The following ANXA10 variants were observed in gnomAD, a reference collection of about 807,000 sequenced individuals.
ANXA10 encodes the protein annexin 14.
ANXA10 carries 49 observed loss-of-function variants against 53.5 expected under a neutral mutation model. The ratio of observed to expected loss-of-function variants is 0.92; its 90% CI spans 0.73 to 1.16. The LOEUF (loss-of-function observed/expected upper bound fraction) is 1.16. ANXA10 is among the 50% of genes most tolerant of loss of function. The probability of loss-of-function intolerance (pLI) is 0.00; values close to 1 mark genes in which losing one functional copy is unlikely to be tolerated. For missense variants in ANXA10, 393 were observed against 394.4 expected (o/e 1.00, Z 0.03); for synonymous variants, 131 against 128.9 (o/e 1.02, Z -0.11).
At position 168,187,536 on chromosome 4, in the gene ANXA10, A is replaced by G. The variant is rs1442066359; in HGVS notation, c.*102A>G. ...TGTTCATGGCACTATTAACAAAACTATACAATCATATTTTCTCTTCTATCT... is the reference window on the plus strand; with the variant it reads ...TGTTCATGGCACTATTAACAAAACTGTACAATCATATTTTCTCTTCTATCT... On this transcript the variant is annotated 3_prime_UTR_variant, in exon 12 of 12. Coordinates refer to ENST00000359299, the MANE Select transcript of ANXA10 (RefSeq NM_007193.5). The G allele has an allele frequency of 6.4e-6, 4 of 622,354 alleles. No homozygotes were observed. Among genetic ancestry groups the G allele is most frequent in the Non-Finnish European group, 1.0e-5 (4 of 384,452 alleles). 38.6% of individuals were successfully genotyped at this position (622,354 alleles called of 1,614,324 possible). A position where few individuals can be genotyped will look rare whatever the true frequency, so the allele number is the denominator to read the frequency against.
chr4:168,108,116 C>T (rs185599422), intron 1 of ANXA10, among the ~76,000 whole-genome samples: 22 of 152,252 alleles, frequency 1.4e-4, no homozygotes, highest in Non-Finnish European at 1.9e-4. Context: ...TGTCTTTTAA[C>T]ATGTTAATGT....
chr4:168,128,880 C>G (rs1386467729), intron 2 of ANXA10, among the ~76,000 whole-genome samples: 1 of 151,578 alleles, frequency 6.6e-6, no homozygotes, highest in Non-Finnish European at 1.5e-5. Context: ...ATGAATGATA[C>G]TAAAGTTTAG....
intron 8 of ANXA10, 143 bp downstream of exon 8, chr4:168,178,126 T>A (rs1732168977): frequency 1.4e-6 from 1 of 690,252 alleles, no homozygotes; most frequent in Admixed American, 2.9e-5. Context: ...GAATTTTGTT[T>A]ATAAGATGTG....
At chr4:168,157,426 C>T (rs1386132204) in intron 3 of ANXA10, among the ~76,000 whole-genome samples, 1 of 152,082 alleles carries the variant, frequency 6.6e-6, no homozygotes, top group East Asian at 1.9e-4. Flanking sequence ...TGCCACCACC[C>T]CTGGCTAATT....
intron 3 of ANXA10, among the ~76,000 whole-genome samples, chr4:168,154,604 G>A (rs1411510636): frequency 6.6e-6 from 1 of 152,098 alleles, no homozygotes; most frequent in Non-Finnish European, 1.5e-5. Flanking sequence ...CTATCCTGTA[G>A]AGATAAAAGT....
intron 3 of ANXA10, among the ~76,000 whole-genome samples, chr4:168,153,675 A>G (rs1219301153): frequency 6.6e-6 from 1 of 152,112 alleles, no homozygotes; most frequent in Non-Finnish European, 1.5e-5. Context: ...GAATGCCTAT[A>G]ATATGCCATA....
intron 1 of ANXA10, among the ~76,000 whole-genome samples, chr4:168,104,462 T>C (rs547040580): frequency 1.2e-4 from 18 of 152,130 alleles, no homozygotes; most frequent in Middle Eastern, 6.8e-3. Flanking sequence ...TTTGGTAGAA[T>C]TGATATTATT....
intron 9 of ANXA10, among the ~76,000 whole-genome samples, chr4:168,180,674 G>A (rs1375320424): frequency 1.1e-4 from 16 of 152,186 alleles, no homozygotes; most frequent in Admixed American, 7.9e-4. Flanking sequence ...AAGAAAAGAT[G>A]AGGGTATAAT....
At chr4:168,187,311 C>T in intron 11 of ANXA10, 55 bp from the exon 12 acceptor site, 1 of 1,219,750 alleles carries the variant, frequency 8.2e-7, no homozygotes, top group Admixed American at 2.1e-5. Flanking sequence ...ATTATGCTTC[C>T]TTTTTAGAAC....
chr4:168,127,653 C>T (rs1731089996), intron 1 of ANXA10: 1 of 320,602 alleles, frequency 3.1e-6, no homozygotes, highest in Non-Finnish European at 6.2e-6. Context: ...TAGATGCAAA[C>T]ACAGTAGAGA....
intron 2 of ANXA10, among the ~76,000 whole-genome samples, chr4:168,139,268 A>G (rs1409004982): frequency 6.6e-6 from 1 of 152,138 alleles, no homozygotes; most frequent in African/African-American, 2.4e-5. Context: ...TGTTCCTTCA[A>G]TGCCTAGTTT....
intron 1 of ANXA10, among the ~76,000 whole-genome samples, chr4:168,101,439 CT>C (rs1173002627): frequency 6.7e-6 from 1 of 150,012 alleles, no homozygotes; most frequent in Non-Finnish European, 1.5e-5. Context: ...ATTGGGAACA[CT>C]TTTAGGCTTA....
At chr4:168,182,936 G>A (rs1732284654) in intron 10 of ANXA10, among the ~76,000 whole-genome samples, 1 of 149,332 alleles carries the variant, frequency 6.7e-6, no homozygotes, top group Admixed American at 6.7e-5. Flanking sequence ...CCTGAACCCT[G>A]GAGGCGGAGC....
At chr4:168,127,189 G>C (rs961058483) in intron 1 of ANXA10, among the ~76,000 whole-genome samples, 1 of 152,070 alleles carries the variant, frequency 6.6e-6, no homozygotes, top group African/African-American at 2.4e-5. Flanking sequence ...GCCTAGTCCT[G>C]ACGGGTTCAG....
At chr4:168,170,076 A>G (rs890817805) in intron 6 of ANXA10, among the ~76,000 whole-genome samples, 1 of 152,180 alleles carries the variant, frequency 6.6e-6, no homozygotes, top group African/African-American at 2.4e-5. Context: ...AAATTAAACA[A>G]TGATGCTTTA....
intron 3 of ANXA10, among the ~76,000 whole-genome samples, chr4:168,157,809 T>C (rs1204949278): frequency 3.3e-5 from 5 of 152,196 alleles, no homozygotes; most frequent in African/African-American, 1.2e-4. Context: ...CTTTTATTGC[T>C]ATTTTTCTAG....
intron 1 of ANXA10, among the ~76,000 whole-genome samples, chr4:168,093,315 T>C (rs1007674497): frequency 6.6e-6 from 1 of 152,190 alleles, no homozygotes; most frequent in African/African-American, 2.4e-5. Flanking sequence ...AAGCAATGTA[T>C]AACAAGATTT....
At chr4:168,122,532 T>A (rs543456967) in intron 1 of ANXA10, among the ~76,000 whole-genome samples, 1 of 152,194 alleles carries the variant, frequency 6.6e-6, no homozygotes, top group Non-Finnish European at 1.5e-5. Context: ...AAGAAATACC[T>A]GAGACTGAGT....
At position 168,184,567 on chromosome 4, in the gene ANXA10, T is replaced by C. The variant is rs770477262; in HGVS notation, c.792T>C (p.Gly264=). The C allele has an allele frequency of 6.2e-7, 1 of 1,613,910 alleles. No individual in the cohort carries two copies. The highest frequency in any genetic ancestry group is 1.1e-5 in the South Asian group (1 of 91,072). ...YRLYSAIHDF[G]FHNKTVIRIL... ...TTTTCTGTATCTTTTAGGACTTTGG[T>C]TTCCATAATAAAACTGTAATCAGGA... The change falls in exon 11 of 12, where the codon GGT becomes GGC. Residue 264 remains glycine (G), a synonymous_variant. Transcript: ENST00000359299.
Sources: allele counts gnomAD v4.1 joint callset (sites outside exome capture counted in the v4.1 genomes callset), GRCh38; gene constraint gnomAD v4.1.1; transcripts MANE v1.5; gene names NCBI Gene and HGNC (gene_info 2026-07-23, HGNC 2026-07-21).